DNM3: variants seen among roughly 807,000 people sequenced by gnomAD.
DNM3 encodes dynamin-3.
DNM3 carries 47 observed loss-of-function variants against 101.6 expected under a neutral mutation model. The observed-to-expected ratio is 0.46, with a 90% CI of 0.37 to 0.59. DNM3 has a LOEUF of 0.59. Among genes scored for constraint, DNM3 ranks in the 20% least tolerant of loss-of-function variants. DNM3 has a pLI of 0.00. For missense variants in DNM3, 849 were observed against 1,085.7 expected (o/e 0.78, Z 3.06); for synonymous variants, 385 against 387.9 (o/e 0.99, Z 0.09).
chr1:172,370,417 G>C (rs1377434295), intron 17 of DNM3: 1 of 151,944 alleles, frequency 6.6e-6, no homozygotes, highest in Non-Finnish European at 1.5e-5. Context: ...ATAAGCAAAA[G>C]CAGTGAGATG....
chr1:171,999,389 T>A (rs1431329982), intron 4 of DNM3, among the ~76,000 whole-genome samples: 1 of 152,092 alleles, frequency 6.6e-6, no homozygotes, highest in Non-Finnish European at 1.5e-5. Context: ...TTACTGAGAT[T>A]AGGAATATTC....
At chr1:172,349,611 T>C (rs1328112664) in intron 17 of DNM3, among the ~76,000 whole-genome samples, 4 of 152,188 alleles carry the variant, frequency 2.6e-5, no homozygotes, top group African/African-American at 9.6e-5. Context: ...TGAATTTCAT[T>C]TCAAGATAAT....
At chr1:171,952,840 C>T (rs896362011) in intron 2 of DNM3, among the ~76,000 whole-genome samples, 2 of 152,100 alleles carry the variant, frequency 1.3e-5, no homozygotes, top group African/African-American at 4.8e-5. Flanking sequence ...ACAGGTAGTA[C>T]CTCTATGTTT....
intron 4 of DNM3, among the ~76,000 whole-genome samples, chr1:171,994,630 C>G (rs116760891): frequency 6.6e-6 from 1 of 152,024 alleles, no homozygotes; most frequent in African/African-American, 2.4e-5. Context: ...CTAGGTTGTA[C>G]ATATATACAA....
chr1:172,092,998 A>G (rs1479176692), intron 13 of DNM3, 123 bp downstream of exon 13: 1 of 894,704 alleles, frequency 1.1e-6, no homozygotes, highest in Admixed American at 3.1e-5. Context: ...TGCAGCTTTC[A>G]TTTTGATTTG....
intron 20 of DNM3, chr1:172,393,351 C>T (rs1370102009): frequency 3.9e-5 from 6 of 152,230 alleles, no homozygotes; most frequent in African/African-American, 9.7e-5. Flanking sequence ...CTTAGGGATA[C>T]GATCTCCTTG....
At chr1:171,869,213 A>G (rs1268071084) in intron 1 of DNM3, among the ~76,000 whole-genome samples, 1 of 152,146 alleles carries the variant, frequency 6.6e-6, no homozygotes, top group Admixed American at 6.5e-5. Context: ...TTTGGATACA[A>G]ATAATTGCTT....
chr1:171,874,984 T>G (rs1386175021), intron 1 of DNM3, among the ~76,000 whole-genome samples: 1 of 152,094 alleles, frequency 6.6e-6, no homozygotes, highest in African/African-American at 2.4e-5. Context: ...TCCATGTTGC[T>G]GCAAAGGACA....
intron 2 of DNM3, among the ~76,000 whole-genome samples, chr1:171,949,952 C>A (rs1312748599): frequency 6.6e-6 from 1 of 152,160 alleles, no homozygotes; most frequent in Non-Finnish European, 1.5e-5. Context: ...GAAATGGATG[C>A]ATTTGTCCTC....
intron 2 of DNM3, among the ~76,000 whole-genome samples, chr1:171,956,785 T>G (rs1029781333): frequency 1.3e-5 from 2 of 152,146 alleles, no homozygotes; most frequent in East Asian, 3.9e-4. Context: ...TTTCCATACA[T>G]CCTCTGAAAT....
intron 10 of DNM3, among the ~76,000 whole-genome samples, chr1:172,057,323 A>G (rs1269058649): frequency 2.0e-5 from 3 of 152,208 alleles, no homozygotes; most frequent in Admixed American, 6.5e-5. Context: ...GCCAACGCTC[A>G]GATTCAGGAA....
At chr1:172,056,190 C>T (rs920721394) in intron 10 of DNM3, among the ~76,000 whole-genome samples, 4 of 152,238 alleles carry the variant, frequency 2.6e-5, no homozygotes, top group Non-Finnish European at 4.4e-5. Flanking sequence ...TCAGAGGGTC[C>T]TACGCCCACG....
intron 14 of DNM3, among the ~76,000 whole-genome samples, chr1:172,157,272 G>T (rs2058376144): frequency 1.3e-5 from 2 of 152,018 alleles, no homozygotes; most frequent in South Asian, 4.1e-4. Flanking sequence ...AATTGGGTTT[G>T]CACTCCTGTG....
At chr1:172,233,951 A>AC (rs1275861089) in intron 14 of DNM3, among the ~76,000 whole-genome samples, 1 of 152,150 alleles carries the variant, frequency 6.6e-6, no homozygotes, top group Admixed American at 6.6e-5. Context: ...ATGGGCAAAA[A>AC]CTGGAAGCAT....
chr1:172,405,783 G>A (rs1028560204), intron 20 of DNM3, among the ~76,000 whole-genome samples: 2 of 151,884 alleles, frequency 1.3e-5, no homozygotes, highest in African/African-American at 2.4e-5. Context: ...CTCCCTGAGG[G>A]CAGGGGGCTT....
intron 2 of DNM3, among the ~76,000 whole-genome samples, chr1:171,974,538 C>T (rs1013628314): frequency 2.0e-5 from 3 of 152,130 alleles, no homozygotes; most frequent in Non-Finnish European, 2.9e-5. Context: ...TATTAATTTA[C>T]ATACAAATTG....
At chr1:171,914,610 T>C (rs1030769794) in intron 1 of DNM3, among the ~76,000 whole-genome samples, 6 of 152,222 alleles carry the variant, frequency 3.9e-5, no homozygotes, top group Non-Finnish European at 8.8e-5. Context: ...ATTTGGTGAA[T>C]ATATTTGGGT....
chr1:172,257,837 T>G (rs980821123), intron 15 of DNM3, among the ~76,000 whole-genome samples: 1 of 151,192 alleles, frequency 6.6e-6, no homozygotes. Flanking sequence ...TTTGTACCCA[T>G]TAGCCAACCT....
chr1:171,987,844 A>G, intron 3 of DNM3, 39 bp downstream of exon 3: 1 of 1,500,490 alleles, frequency 6.7e-7, no homozygotes, highest in Non-Finnish European at 8.9e-7. Context: ...TTCTCCTCAA[A>G]CATTTATACT....
Sources: allele counts gnomAD v4.1 joint callset (sites outside exome capture counted in the v4.1 genomes callset), GRCh38; gene constraint gnomAD v4.1.1; transcripts MANE v1.5; gene names NCBI Gene and HGNC (gene_info 2026-07-23, HGNC 2026-07-21).